The following ZNF442 variants were observed in gnomAD, a reference collection of about 807,000 sequenced individuals.
The protein encoded by ZNF442 is zinc finger protein 442.
ZNF442 carries 45 observed loss-of-function variants against 57.0 expected under a neutral mutation model. That is an observed-to-expected ratio of 0.79 (90% CI 0.62 to 1.01). ZNF442 has a LOEUF of 1.01. Among genes scored for constraint, ZNF442 ranks in the 50% least tolerant of loss-of-function variants. ZNF442 has a pLI of 0.00. For synonymous variants in ZNF442, 213 were observed against 241.8 expected (o/e 0.88, Z 1.10); for missense variants, 690 against 756.5 (o/e 0.91, Z 1.03).
upstream of ZNF442, among the ~76,000 whole-genome samples, chr19:12,370,026 A>G (rs1969568385): frequency 6.6e-6 from 1 of 151,994 alleles, no homozygotes; most frequent in Non-Finnish European, 1.5e-5. Context: ...CACAGGGACT[A>G]GTTTCTTAGA....
At position 12,350,944 on chromosome 19, in the gene ZNF442, CA is replaced by C. The variant is rs759444193; in HGVS notation, c.640del (p.Cys214ValfsTer40). On this transcript the variant is annotated frameshift_variant, in exon 6 of 6. Transcript: ENST00000242804. LOFTEE classifies it high-confidence loss of function. ...ACTAGGCCAAAAAAAGGCTTTCCCA[CA>C]CAACTTACATATATAAGGTCCACCT... Reference protein sequence around the residue: ...RGGGPYICKLCGKAFFWPSLF... With the variant: ...RGGGPYICKLXGKAFFWPSLF... The C allele has an allele frequency of 7.4e-6, 12 of 1,614,096 alleles. No individual in the cohort carries two copies. Among genetic ancestry groups the C allele is most frequent in the Non-Finnish European group, 1.0e-5 (12 of 1,180,048 alleles).
At position 12,350,450 on chromosome 19, in the gene ZNF442, A is replaced by C; in HGVS notation, c.1135T>G (p.Cys379Gly). Residue 379 changes from cysteine to glycine, a missense_variant, in exon 6 of 6, where the codon TGC becomes GGC. Coordinates refer to ENST00000242804, the MANE Select transcript of ZNF442 (RefSeq NM_030824.3). ...RTHTGEKPYECKQCGKALSHH... is the reference protein window; with the variant it reads ...RTHTGEKPYEGKQCGKALSHH... The stretch of plus-strand genomic sequence containing the variant: ...GATAACGCTTTCCCACACTGCTTGC[A>C]TTCATAGGGTTTCTCTCCAGTGTGA... 2 of 1,614,084 alleles carry C rather than the reference A, an allele frequency of 1.2e-6. No homozygotes were observed. Among genetic ancestry groups the C allele is most frequent in the Non-Finnish European group, 1.7e-6 (2 of 1,179,948 alleles).
intron 3 of ZNF442, among the ~76,000 whole-genome samples, chr19:12,355,797 A>T (rs1568488374): frequency 6.6e-6 from 1 of 151,854 alleles, no homozygotes; most frequent in Admixed American, 6.6e-5. Context: ...GTGAAACCTG[A>T]TCACTAGAAA....
chr19:12,348,791 T>A lies in ZNF442; in HGVS notation c.*910A>T, dbSNP rs1969165745. ...AGCATCATCATGATCATGATCATCA[T>A]CATCATCCTTGGGTTATCAAGCAAG... On this transcript the variant is annotated 3_prime_UTR_variant, in exon 6 of 6. Transcript: ENST00000242804. 1 of 152,112 alleles carries A rather than the reference T, an allele frequency of 6.6e-6. No homozygotes were observed. Among genetic ancestry groups the A allele is most frequent in the Non-Finnish European group, 1.5e-5 (1 of 68,002 alleles). The allele number at this position is 152,112 out of a possible 1,614,324, so 9.4% of individuals were successfully genotyped here.
Position 12,350,092 on chromosome 19 carries a change from C to G in ZNF442, c.1493G>C (p.Ser498Thr). 3 of 1,613,864 alleles carry G rather than the reference C, an allele frequency of 1.9e-6. No individual in the cohort carries two copies. The highest frequency in any genetic ancestry group is 2.5e-6 in the Non-Finnish European group (3 of 1,179,936). Residue 498 changes from serine to threonine, a missense_variant, in exon 6 of 6, where the codon AGT becomes ACT. Transcript: ENST00000242804. ...ATGTTGAGAAAGGTATGTGAAACAA[C>G]TGAATGCTTTCCCACATTCCTTACA... ...YECKECGKAF[S>T]CFTYLSQHRR...
chr19:12,361,911 G>C lies in ZNF442; in HGVS notation c.78+1643C>G, dbSNP rs189063435. Reference sequence around the variant, plus strand: ...GTTTTCATATTTTTTTGGTGGAGACGGGGTTTCACCGTGTTGGCCGGGCTG... The same window carrying C: ...GTTTTCATATTTTTTTGGTGGAGACCGGGTTTCACCGTGTTGGCCGGGCTG... On this transcript the variant is annotated intron_variant, in intron 3 of 5. Coordinates refer to ENST00000242804, the MANE Select transcript of ZNF442 (RefSeq NM_030824.3). Among the ~76,000 whole-genome samples the C allele has an allele frequency of 1.1e-3, 161 of 152,276 alleles. 1 individual carries two copies. Among genetic ancestry groups the C allele is most frequent in the African/African-American group, 3.8e-3 (157 of 41,556 alleles).
chr19:12,356,270 T>A (rs1338879850), intron 3 of ZNF442, among the ~76,000 whole-genome samples: 3 of 151,926 alleles, frequency 2.0e-5, no homozygotes, highest in Non-Finnish European at 4.4e-5. Context: ...TAAACCACCA[T>A]CTGGAAAGAA....
At chr19:12,354,026 C>T (rs75312864) in intron 3 of ZNF442, among the ~76,000 whole-genome samples, 7,944 of 152,196 alleles carry the variant, frequency 0.052, 692 homozygotes, top group African/African-American at 0.18. Flanking sequence ...CCTCCAGAAC[C>T]ACAAAATATA....
chr19:12,368,441 C>T (rs1030237854), upstream of ZNF442, among the ~76,000 whole-genome samples: 5 of 152,296 alleles, frequency 3.3e-5, no homozygotes, highest in Admixed American at 6.5e-5. Context: ...TCCATGAAAT[C>T]GTCACAATTT....
chr19:12,357,665 T>C (rs993219790), intron 3 of ZNF442, among the ~76,000 whole-genome samples: 2 of 152,136 alleles, frequency 1.3e-5, no homozygotes, highest in Non-Finnish European at 2.9e-5. Flanking sequence ...ACCCCCAGAA[T>C]TTCTAATTCA....
At chr19:12,361,827 C>T (rs1172819499) in intron 3 of ZNF442, among the ~76,000 whole-genome samples, 1 of 152,128 alleles carries the variant, frequency 6.6e-6, no homozygotes, top group East Asian at 1.9e-4. Context: ...CTGCTGGATT[C>T]TCCTGCTTCA....
At chr19:12,361,991 G>T (rs887434090) in intron 3 of ZNF442, among the ~76,000 whole-genome samples, 7 of 152,334 alleles carry the variant, frequency 4.6e-5, no homozygotes, top group African/African-American at 1.7e-4. Context: ...CGAGGTGCAG[G>T]GATTGCAGAC....
chr19:12,349,623 C>T lies in ZNF442; in HGVS notation c.*78G>A, dbSNP rs950157136. ...ATCTTAAGGCTTTACCATGTGTTTG[C>T]ATTCATGAGGCTTATCTCCTATGTG... On this transcript the variant is annotated 3_prime_UTR_variant, in exon 6 of 6. Coordinates refer to ENST00000242804, the MANE Select transcript of ZNF442 (RefSeq NM_030824.3). The T allele has an allele frequency of 9.3e-6, 13 of 1,403,754 alleles. No homozygotes were observed. The highest frequency in any genetic ancestry group is 1.2e-5 in the Non-Finnish European group (12 of 1,035,370). The allele number at this position is 1,403,754 out of a possible 1,614,324, so 87.0% of individuals were successfully genotyped here. A position where few individuals can be genotyped will look rare whatever the true frequency, so the allele number is the denominator to read the frequency against.
intron 3 of ZNF442, among the ~76,000 whole-genome samples, chr19:12,355,152 G>A (rs998163026): frequency 4.0e-5 from 6 of 151,392 alleles, no homozygotes; most frequent in Admixed American, 6.6e-5. Flanking sequence ...CTAGCCGGGC[G>A]TGGTGGCGGG....
chr19:12,366,304 A>C (rs958494797), upstream of ZNF442, among the ~76,000 whole-genome samples: 1 of 152,252 alleles, frequency 6.6e-6, no homozygotes, highest in Non-Finnish European at 1.5e-5. Context: ...GAATTAGTTC[A>C]GAGAAATTTC....
chr19:12,359,690 T>C (rs111654415), intron 3 of ZNF442, among the ~76,000 whole-genome samples: 7,357 of 152,176 alleles, frequency 0.048, 594 homozygotes, highest in African/African-American at 0.17. Flanking sequence ...AACTAGAATC[T>C]GATTCTCGGC....
chr19:12,364,569 G>A lies in ZNF442; in HGVS notation c.-41+233C>T, dbSNP rs946543983. On this transcript the variant is annotated intron_variant, in intron 2 of 5. Coordinates refer to ENST00000242804, the MANE Select transcript of ZNF442 (RefSeq NM_030824.3). ...AACTGAGGAGGGAAAGTTAGCCTGC[G>A]TAAGGCTCTGGAAACCAAGGGAGTT... Among the ~76,000 whole-genome samples, 7 of 152,186 alleles carry A rather than the reference G, an allele frequency of 4.6e-5. No homozygotes were observed. The South Asian group carries it at 8.3e-4, about 18-fold the overall frequency.
chr19:12,356,636 A>AAAAAAAAGAG (rs1032081069), intron 3 of ZNF442, among the ~76,000 whole-genome samples: 1 of 151,772 alleles, frequency 6.6e-6, no homozygotes, highest in African/African-American at 2.4e-5. Context: ...TCAAAAAAAA[A>AAAAAAAAGAG]AGAGAGAGAG....
chr19:12,363,450 C>A (rs2144845227), intron 3 of ZNF442, 104 bp downstream of exon 3: 2 of 1,123,614 alleles, frequency 1.8e-6, no homozygotes. Context: ...CCACCCACCA[C>A]CACCCCAGGA....
Sources: allele counts gnomAD v4.1 joint callset (sites outside exome capture counted in the v4.1 genomes callset), GRCh38; gene constraint gnomAD v4.1.1; transcripts MANE v1.5; gene names NCBI Gene and HGNC (gene_info 2026-07-23, HGNC 2026-07-21).